FTO: variants seen among roughly 807,000 people sequenced by gnomAD.
The protein encoded by FTO is alpha-ketoglutarate-dependent dioxygenase FTO.
A neutral mutation model predicts 63.9 loss-of-function variants in FTO; 47 were observed. The observed-to-expected ratio is 0.74, with a 90% CI of 0.58 to 0.94. FTO has a LOEUF of 0.94. Among genes scored for constraint, FTO ranks in the 40% least tolerant of loss-of-function variants. The probability of loss-of-function intolerance (pLI) is 0.00; values close to 1 mark genes in which losing one functional copy is unlikely to be tolerated. For missense variants in FTO, 562 were observed against 618.1 expected (o/e 0.91, Z 0.96); for synonymous variants, 207 against 224.4 (o/e 0.92, Z 0.69).
chr16:53,839,771 TTTTTTTTATTTATTTATTTA>T (rs1342012508), intron 3 of FTO, among the ~76,000 whole-genome samples: 14 of 49,656 alleles, frequency 2.8e-4, no homozygotes, highest in South Asian at 1.4e-3. Context: ...TTGGTTTTCT[TTTTTTTTATTTATTTATTTA>T]TTTATTTATT....
rs2085701595 is a variant in FTO at position 54,065,389 on chromosome 16, C to T, written c.1365-46373C>T. On this transcript the variant is annotated intron_variant, in intron 8 of 8. Transcript: ENST00000471389. ...GTGTTGCCCAGGCTGGTCTCGAACT[C>T]CTGGACTCAAGCGTTCCACTCACCT... is the stretch of plus-strand genomic sequence containing the variant. Among the ~76,000 whole-genome samples, 5 of 152,086 alleles carry T rather than the reference C, an allele frequency of 3.3e-5. No individual in the cohort carries two copies. The South Asian group carries it at 1.0e-3, about 32-fold the overall frequency.
intron 1 of FTO, among the ~76,000 whole-genome samples, chr16:53,757,537 ATG>A: frequency 6.6e-6 from 1 of 151,306 alleles, no homozygotes; most frequent in Non-Finnish European, 1.5e-5. Flanking sequence ...TATATATAAT[ATG>A]TGTGTATATA....
In FTO at chr16:53,868,483, T is replaced by A. The variant is rs192303549; in HGVS notation, c.896-5303T>A. 7.2e-3 allele frequency among the ~76,000 whole-genome samples: 1,094 copies of A among 152,204 alleles called. 13 individuals carry two copies. Among genetic ancestry groups the A allele is most frequent in the African/African-American group, 0.025 (1,039 of 41,550 alleles). On this transcript the variant is annotated intron_variant, in intron 4 of 8. Transcript: ENST00000471389. ...GTACAGTAAAATAAAATATTCCTAA[T>A]TTTTTTCTCTCATCTCTTATACTCA...
rs2078246743 is a variant in FTO, at chr16:53,802,218, A to G, written c.46-7922A>G. Among the ~76,000 whole-genome samples, 3 of 152,188 alleles carry G rather than the reference A, an allele frequency of 2.0e-5. No individual in the cohort carries two copies. In the South Asian group the frequency reaches 6.2e-4, roughly 31 times the overall value. ...GGCATGTCGCATTTGCATATAACCT[A>G]TGCACATCTTCCTATGTACTTTAAA... On this transcript the variant is annotated intron_variant, in intron 1 of 8. Transcript: ENST00000471389.
intron 8 of FTO, among the ~76,000 whole-genome samples, chr16:53,972,200 A>G (rs1222603315): frequency 6.6e-6 from 1 of 152,064 alleles, no homozygotes; most frequent in African/African-American, 2.4e-5. Flanking sequence ...AATCTTCCTA[A>G]CAGTCCTGTT....
At chr16:54,081,420 C>T (rs1482251756) in intron 8 of FTO, among the ~76,000 whole-genome samples, 1 of 152,192 alleles carries the variant, frequency 6.6e-6, no homozygotes, top group African/African-American at 2.4e-5. Flanking sequence ...GCATTACACT[C>T]ACAGATATGA....
chr16:54,033,740 C>A (rs1222732141), intron 8 of FTO, among the ~76,000 whole-genome samples: 1 of 152,000 alleles, frequency 6.6e-6, no homozygotes, highest in African/African-American at 2.4e-5. Context: ...TTGCTTAAGC[C>A]CAAAAGTTCA....
At chr16:54,001,441 C>CTT (rs2143995587) in intron 8 of FTO, among the ~76,000 whole-genome samples, 1 of 152,112 alleles carries the variant, frequency 6.6e-6, no homozygotes, top group African/African-American at 2.4e-5. Context: ...CAACATGAGG[C>CTT]CCCTAAACAT....
rs185543066 is a variant in FTO at position 54,120,879 on chromosome 16, G to T, written c.*8964G>T. 12 of 152,270 alleles carry T rather than the reference G, an allele frequency of 7.9e-5. No homozygotes were observed. The highest frequency in any genetic ancestry group is 7.8e-4 in the Admixed American group (12 of 15,296). The allele number at this position is 152,270 out of a possible 1,614,324, so 9.4% of individuals were successfully genotyped here. ...TCACAAACATCCACAAGATATTGGT[G>T]ATTTTACATATTATTAGAGCCACTG... is the stretch of plus-strand genomic sequence containing the variant. On this transcript the variant is annotated 3_prime_UTR_variant, in exon 9 of 9. Coordinates refer to ENST00000471389, the MANE Select transcript of FTO (RefSeq NM_001080432.3).
At chr16:53,811,607 CA>C (rs2078525855) in intron 2 of FTO, among the ~76,000 whole-genome samples, 1 of 152,122 alleles carries the variant, frequency 6.6e-6, no homozygotes. Flanking sequence ...ATTTTCTAAC[CA>C]AGATGTAAAT....
intron 7 of FTO, among the ~76,000 whole-genome samples, chr16:53,926,282 A>C (rs1378464062): frequency 1.3e-5 from 2 of 152,188 alleles, no homozygotes; most frequent in African/African-American, 4.8e-5. Flanking sequence ...ACTCATCTTC[A>C]GGAATAGTTT....
At chr16:53,815,137 G>C (rs994921861) in intron 2 of FTO, among the ~76,000 whole-genome samples, 6 of 152,136 alleles carry the variant, frequency 3.9e-5, no homozygotes, top group Non-Finnish European at 4.4e-5. Flanking sequence ...CTTATAGTCT[G>C]TAAGTTCTGT....
intron 8 of FTO, among the ~76,000 whole-genome samples, chr16:54,037,600 A>G (rs1337706473): frequency 6.6e-6 from 1 of 152,170 alleles, no homozygotes; most frequent in African/African-American, 2.4e-5. Flanking sequence ...AGTTGTGCGT[A>G]TTTCAGATGT....
At chr16:54,049,451 A>G (rs1207226831) in intron 8 of FTO, among the ~76,000 whole-genome samples, 1 of 152,176 alleles carries the variant, frequency 6.6e-6, no homozygotes, top group African/African-American at 2.4e-5. Context: ...CTACCATTTC[A>G]GGCTGATCTA....
At chr16:54,111,607 G>A (rs1020333971) in intron 8 of FTO, among the ~76,000 whole-genome samples, 155 bp from the exon 9 acceptor site, 1 of 152,098 alleles carries the variant, frequency 6.6e-6, no homozygotes, top group Non-Finnish European at 1.5e-5. Flanking sequence ...ATAAACACCT[G>A]CGTTCCACCT....
At chr16:53,921,091 C>T (rs1272555444) in intron 7 of FTO, among the ~76,000 whole-genome samples, 2 of 152,266 alleles carry the variant, frequency 1.3e-5, no homozygotes, top group Non-Finnish European at 2.9e-5. Flanking sequence ...TAAAGACACA[C>T]TGTAGGGCCG....
At chr16:54,060,263 C>T (rs2085538511) in intron 8 of FTO, among the ~76,000 whole-genome samples, 1 of 152,138 alleles carries the variant, frequency 6.6e-6, no homozygotes, top group South Asian at 2.1e-4. Context: ...CTTTTCAAAT[C>T]GTACTCTGGG....
intron 8 of FTO, among the ~76,000 whole-genome samples, chr16:54,055,192 A>G (rs571489394): frequency 6.6e-6 from 1 of 152,328 alleles, no homozygotes; most frequent in Admixed American, 6.5e-5. Flanking sequence ...GCTCTGATAT[A>G]CTGATGTTCA....
intron 8 of FTO, among the ~76,000 whole-genome samples, chr16:54,084,093 T>C (rs1445034259): frequency 6.6e-6 from 1 of 152,194 alleles, no homozygotes; most frequent in African/African-American, 2.4e-5. Flanking sequence ...ATGCAAATAT[T>C]CCCAAATCTG....
Sources: gnomAD v4.1 joint callset for allele counts (sites outside exome capture counted in the v4.1 genomes callset) on GRCh38, gnomAD v4.1.1 for gene constraint, MANE v1.5 for transcripts, NCBI Gene and HGNC (gene_info 2026-07-23, HGNC 2026-07-21) for gene names.